The following IMMP2L variants were observed in gnomAD, a reference collection of about 807,000 sequenced individuals.
IMMP2L encodes mitochondrial inner membrane protease subunit 2.
IMMP2L carries 18 observed loss-of-function variants against 19.3 expected under a neutral mutation model. That is an observed-to-expected ratio of 0.93 (90% confidence interval 0.64 to 1.38). IMMP2L has a LOEUF of 1.38. Among genes scored for constraint, IMMP2L ranks in the 40% most tolerant of loss-of-function variants. The probability of loss-of-function intolerance (pLI) is 0.00; values close to 1 mark genes in which losing one functional copy is unlikely to be tolerated. For synonymous variants in IMMP2L, 76 were observed against 73.0 expected (o/e 1.04, Z -0.21); for missense variants, 233 against 218.2 (o/e 1.07, Z -0.43).
intron 3 of IMMP2L, among the ~76,000 whole-genome samples, chr7:111,425,749 C>G (rs1836011300): frequency 6.6e-6 from 1 of 151,138 alleles, no homozygotes; most frequent in Non-Finnish European, 1.5e-5. Flanking sequence ...GAGGAATCAG[C>G]AAGTGTTCCC....
intron 3 of IMMP2L, among the ~76,000 whole-genome samples, chr7:111,430,711 C>A (rs895675049): frequency 6.6e-6 from 1 of 151,660 alleles, no homozygotes; most frequent in Non-Finnish European, 1.5e-5. Context: ...CAAATATTGT[C>A]TTGGATGCTG....
chr7:111,432,071 G>A (rs569521678), intron 3 of IMMP2L, among the ~76,000 whole-genome samples: 2 of 151,820 alleles, frequency 1.3e-5, no homozygotes, highest in South Asian at 2.1e-4. Context: ...AGAAGTTCCA[G>A]AGACCTAGAC....
chr7:111,289,927 A>T (rs1412799961), intron 3 of IMMP2L, among the ~76,000 whole-genome samples: 2 of 152,102 alleles, frequency 1.3e-5, no homozygotes, highest in Admixed American at 6.6e-5. Context: ...TTGGAATTTG[A>T]TTAATGAACA....
intron 3 of IMMP2L, among the ~76,000 whole-genome samples, chr7:111,332,632 G>A (rs1825990053): frequency 6.6e-6 from 1 of 151,798 alleles, no homozygotes; most frequent in Non-Finnish European, 1.5e-5. Flanking sequence ...CATGTAAAAT[G>A]AAAATTTAAA....
At chr7:111,298,646 C>T (rs1001322888) in intron 3 of IMMP2L, among the ~76,000 whole-genome samples, 1 of 151,510 alleles carries the variant, frequency 6.6e-6, no homozygotes, top group Non-Finnish European at 1.5e-5. Context: ...GTTCCAGGTA[C>T]TCAGGAGGCT....
At chr7:110,684,690 T>C (rs1208869960) in intron 5 of IMMP2L, among the ~76,000 whole-genome samples, 2 of 152,016 alleles carry the variant, frequency 1.3e-5, no homozygotes, top group East Asian at 3.9e-4. Context: ...CACTGCCCTG[T>C]GGAAATTTGG....
chr7:111,296,474 A>G (rs1473586643), intron 3 of IMMP2L, among the ~76,000 whole-genome samples: 2 of 151,934 alleles, frequency 1.3e-5, no homozygotes, highest in Non-Finnish European at 2.9e-5. Flanking sequence ...AACTAAAATG[A>G]GGTATCTTTA....
intron 3 of IMMP2L, among the ~76,000 whole-genome samples, chr7:111,004,002 T>C (rs577146288): frequency 1.3e-5 from 2 of 152,294 alleles, no homozygotes; most frequent in South Asian, 4.1e-4. Flanking sequence ...CAATGAATCA[T>C]TGCCAAAGAT....
intron 4 of IMMP2L, among the ~76,000 whole-genome samples, chr7:110,901,531 T>G (rs544452155): frequency 1.3e-5 from 2 of 152,178 alleles, no homozygotes; most frequent in Non-Finnish European, 2.9e-5. Flanking sequence ...GTGCTACACT[T>G]ACTTTGTGAA....
intron 3 of IMMP2L, among the ~76,000 whole-genome samples, chr7:111,282,884 A>G (rs916508303): frequency 1.3e-5 from 2 of 152,192 alleles, no homozygotes; most frequent in Non-Finnish European, 2.9e-5. Flanking sequence ...TGGCCTGGCC[A>G]ATAACTCACT....
chr7:111,044,069 T>C (rs1792148548), intron 3 of IMMP2L, among the ~76,000 whole-genome samples: 1 of 152,218 alleles, frequency 6.6e-6, no homozygotes. Context: ...AGCAACTATA[T>C]TCTCTGAACC....
chr7:111,023,252 T>G (rs1826469755), intron 3 of IMMP2L, among the ~76,000 whole-genome samples: 1 of 152,232 alleles, frequency 6.6e-6, no homozygotes, highest in Non-Finnish European at 1.5e-5. Context: ...TCACACATTT[T>G]CTGTATCAGC....
intron 3 of IMMP2L, among the ~76,000 whole-genome samples, chr7:111,003,518 A>AT (rs796252838): frequency 0.024 from 3,484 of 148,196 alleles, 139 homozygotes; most frequent in African/African-American, 0.079. Context: ...TTTCAGATAG[A>AT]TTTTTTTTTT....
chr7:111,381,912 T>C lies in IMMP2L; in HGVS notation c.239+105326A>G, dbSNP rs151131777. Among the ~76,000 whole-genome samples, 357 of 152,064 alleles carry C rather than the reference T, an allele frequency of 2.3e-3. 2 individuals carry two copies. Among genetic ancestry groups the C allele is most frequent in the African/African-American group, 7.3e-3 (304 of 41,456 alleles). On this transcript the variant is annotated intron_variant, in intron 3 of 5. Coordinates refer to ENST00000405709, the MANE Select transcript of IMMP2L (RefSeq NM_032549.4). Reference sequence around the variant, plus strand: ...ACTGAGGAAAGGCTGTTATCACCCATTGAAATAGCAAACAGGAAAGAGGAA... The same window carrying C: ...ACTGAGGAAAGGCTGTTATCACCCACTGAAATAGCAAACAGGAAAGAGGAA...
Position 111,235,840 on chromosome 7 carries a change from T to C in IMMP2L, c.239+251398A>G, listed in dbSNP as rs558370405. 2.0e-5 allele frequency among the ~76,000 whole-genome samples: 3 copies of C among 152,250 alleles called. No individual in the cohort carries two copies. In the East Asian group the frequency reaches 5.8e-4, roughly 29 times the overall value. On this transcript the variant is annotated intron_variant, in intron 3 of 5. Coordinates refer to ENST00000405709, the MANE Select transcript of IMMP2L (RefSeq NM_032549.4). ...AATACTGAGGCACTTGAAATTGTCC[T>C]ACAGTTCACTGATTGTCTCTTTTTT... is the stretch of plus-strand genomic sequence containing the variant.
chr7:110,811,131 G>A lies in IMMP2L; in HGVS notation c.408+75462C>T, dbSNP rs377170173. On this transcript the variant is annotated intron_variant, in intron 5 of 5. Transcript: ENST00000405709. ...TTTGATTTGCTTGACATGTACTCGG[G>A]TAATGAAACCAGTGAAATTTATTAG... Among the ~76,000 whole-genome samples, 538 of 152,066 alleles carry A rather than the reference G, an allele frequency of 3.5e-3. 28 individuals are homozygous for A. In the South Asian group the frequency reaches 0.11, roughly 30 times the overall value.
rs753212907 is a variant in IMMP2L, at chr7:111,237,916, T to C, written c.239+249322A>G. Among the ~76,000 whole-genome samples, 37 of 152,064 alleles carry C rather than the reference T, an allele frequency of 2.4e-4. 1 individual carries two copies. The highest frequency in any genetic ancestry group is 3.7e-4 in the Non-Finnish European group (25 of 67,986). On this transcript the variant is annotated intron_variant, in intron 3 of 5. Transcript: ENST00000405709. Reference sequence around the variant, plus strand: ...TCTGTAAAATGGTGATAATGGTATCTATCCAATAAAGTAGCTGTAATAATA... The same window carrying C: ...TCTGTAAAATGGTGATAATGGTATCCATCCAATAAAGTAGCTGTAATAATA...
chr7:110,743,249 T>C (rs370195654), intron 5 of IMMP2L, among the ~76,000 whole-genome samples: 6 of 152,182 alleles, frequency 3.9e-5, no homozygotes, highest in African/African-American at 1.2e-4. Context: ...GAAATTCAGA[T>C]AGTCAATTTG....
At chr7:110,788,848 T>C (rs1157683606) in intron 5 of IMMP2L, among the ~76,000 whole-genome samples, 4 of 151,774 alleles carry the variant, frequency 2.6e-5, no homozygotes, top group Non-Finnish European at 5.9e-5. Flanking sequence ...AGTACATCTG[T>C]TTCCTATCCT....
Sources: gnomAD v4.1 joint callset for allele counts (sites outside exome capture counted in the v4.1 genomes callset) on GRCh38, gnomAD v4.1.1 for gene constraint, MANE v1.5 for transcripts, NCBI Gene and HGNC (gene_info 2026-07-23, HGNC 2026-07-21) for gene names.